Variants in SUN1 observed in about 807,000 individuals in gnomAD.
SUN1 encodes the protein Sad1 and UNC84 domain containing 1, also known as SUN domain-containing protein 1.
SUN1 carries 61 observed loss-of-function variants against 103.2 expected under a neutral mutation model. The observed-to-expected ratio is 0.59, with a 90% CI of 0.48 to 0.73. SUN1 has a LOEUF of 0.73. Ranked by LOEUF, SUN1 falls within the 30% of genes least tolerant of loss-of-function variation. The probability of loss-of-function intolerance (pLI) is 0.00; values close to 1 mark genes in which losing one functional copy is unlikely to be tolerated. For missense variants in SUN1, 1,052 were observed against 1,034.6 expected (o/e 1.02, Z -0.23); for synonymous variants, 490 against 425.7 (o/e 1.15, Z -1.86).
At chr7:829,943 G>A (rs147840282), upstream of SUN1, among the ~76,000 whole-genome samples, 178 of 152,310 alleles carry the variant, frequency 1.2e-3, no homozygotes, top group Middle Eastern at 0.017. Flanking sequence ...CTTGTCACCT[G>A]TCAGGCATTG....
At chr7:815,921 C>A, upstream of SUN1, 1 of 220,568 alleles carries the variant, frequency 4.5e-6, no homozygotes, top group South Asian at 4.0e-5. Context: ...CAAGGAGGCA[C>A]TGGCCGAGGT....
intron 11 of SUN1, 104 bp from the exon 12 acceptor site, chr7:856,254 A>C (rs906364746): frequency 1.7e-6 from 2 of 1,187,364 alleles, no homozygotes; most frequent in African/African-American, 1.5e-5. Context: ...CTTTGAATTA[A>C]AGGGGGTATT....
chr7:868,298 G>C (rs937397474), intron 16 of SUN1, among the ~76,000 whole-genome samples: 6 of 152,248 alleles, frequency 3.9e-5, no homozygotes, highest in Non-Finnish European at 7.3e-5. Context: ...GCTGTGCTGC[G>C]AACAGTGCTC....
intron 5 of SUN1, chr7:848,292 C>G (rs1818497040): frequency 4.7e-6 from 4 of 856,588 alleles, no homozygotes; most frequent in African/African-American, 3.6e-5. Flanking sequence ...GGGCTCTTCC[C>G]CAAGTGATTA....
intron 17 of SUN1, among the ~76,000 whole-genome samples, chr7:871,817 CT>C (rs1228314255): frequency 2.0e-5 from 3 of 152,198 alleles, no homozygotes; most frequent in Admixed American, 6.5e-5. Context: ...CAAATAGTCC[CT>C]TGTGTCTTCT....
Position 873,467 on chromosome 7 carries a change from G to T in SUN1, c.*136G>T. 1 of 889,296 alleles carries T rather than the reference G, an allele frequency of 1.1e-6. No homozygotes were observed. The highest frequency in any genetic ancestry group is 1.7e-6 in the Non-Finnish European group (1 of 582,156). The allele number at this position is 889,296 out of a possible 1,614,324, so 55.1% of individuals were successfully genotyped here. On this transcript the variant is annotated 3_prime_UTR_variant, in exon 19 of 19. Coordinates refer to ENST00000401592, the MANE Select transcript of SUN1 (RefSeq NM_001130965.3). ...TCAATAAACGTGGCTGCTGGCCAGAGGACGTGAGCGTGTGACGGGCGCCTT... is the reference window on the plus strand; with the variant it reads ...TCAATAAACGTGGCTGCTGGCCAGATGACGTGAGCGTGTGACGGGCGCCTT...
At chr7:839,093 A>G (rs1208610245) in intron 2 of SUN1, 107 bp downstream of exon 2, 4 of 1,122,104 alleles carry the variant, frequency 3.6e-6, no homozygotes, top group Non-Finnish European at 4.9e-6. Context: ...GCTTAAGGAT[A>G]TGTGTGTGTA....
chr7:848,953 A>T (rs1215870886), intron 5 of SUN1, among the ~76,000 whole-genome samples: 1 of 152,134 alleles, frequency 6.6e-6, no homozygotes, highest in Non-Finnish European at 1.5e-5. Flanking sequence ...GTTTTTTCAG[A>T]ACTTTTTTTC....
chr7:851,652 G>C (rs1431932316), intron 6 of SUN1, 170 bp downstream of exon 6: 3 of 693,680 alleles, frequency 4.3e-6, no homozygotes, highest in Non-Finnish European at 7.2e-6. Context: ...GACTGTACTT[G>C]CTGCATGAGC....
chr7:870,344 C>CT (rs1445753467), intron 17 of SUN1, among the ~76,000 whole-genome samples: 1 of 151,904 alleles, frequency 6.6e-6, no homozygotes, highest in Non-Finnish European at 1.5e-5. Flanking sequence ...AATCCTAGCA[C>CT]TTTGGGAGGC....
intron 15 of SUN1, among the ~76,000 whole-genome samples, chr7:863,913 TTTGAGAAAGTAC>T (rs1834223241): frequency 6.6e-6 from 1 of 152,196 alleles, no homozygotes; most frequent in African/African-American, 2.4e-5. Context: ...TAACACTCAA[TTTGAGAAAGTAC>T]AATTAATTAA....
At chr7:838,743 T>C in intron 1 of SUN1, 55 bp from the exon 2 acceptor site, 1 of 1,437,254 alleles carries the variant, frequency 7.0e-7, no homozygotes, top group Non-Finnish European at 9.2e-7. Flanking sequence ...GTTCATTTTG[T>C]TTCAGAATGG....
At chr7:850,023 G>C (rs1486245544) in intron 5 of SUN1, 1 of 1,590,518 alleles carries the variant, frequency 6.3e-7, no homozygotes, top group South Asian at 1.1e-5. Flanking sequence ...GGCACATCTG[G>C]GCATGTGCAG....
upstream of SUN1, among the ~76,000 whole-genome samples, chr7:829,159 G>T (rs1432621155): frequency 6.6e-6 from 1 of 152,178 alleles, no homozygotes; most frequent in Non-Finnish European, 1.5e-5. Context: ...AAACATGCTG[G>T]ATCCGTTTTT....
Position 853,252 on chromosome 7 carries a change from A to G in SUN1, c.1054-157A>G, listed in dbSNP as rs77082279. On this transcript the variant is annotated intron_variant, in intron 9 of 18. Transcript: ENST00000401592. ...AGCACCCATAGTCAGCCATGTAAGGATCAAACCTGATACTCCGGGTTTCTG... is the reference window on the plus strand; with the variant it reads ...AGCACCCATAGTCAGCCATGTAAGGGTCAAACCTGATACTCCGGGTTTCTG... 4.0e-3 allele frequency: 3,482 copies of G among 875,578 alleles called. 84 individuals carry two copies. In the African/African-American group the frequency reaches 0.051, roughly 13 times the overall value. 54.2% of individuals were successfully genotyped at this position (875,578 alleles called of 1,614,324 possible). A position where few individuals can be genotyped will look rare whatever the true frequency, so the allele number is the denominator to read the frequency against.
chr7:817,976 G>A (rs1004505238), intron 1 of SUN1, among the ~76,000 whole-genome samples: 2 of 151,516 alleles, frequency 1.3e-5, no homozygotes, highest in Non-Finnish European at 2.9e-5. Context: ...TTTTAGTTTG[G>A]CCATGGTATT....
intron 13 of SUN1, 59 bp downstream of exon 13, chr7:858,016 T>A: frequency 1.3e-6 from 2 of 1,490,098 alleles, no homozygotes; most frequent in East Asian, 2.4e-5. Context: ...AAAACTTGAA[T>A]TGATGACTTA....
At chr7:832,712 T>C in intron 1 of SUN1, 111 bp downstream of exon 1, 1 of 825,686 alleles carries the variant, frequency 1.2e-6, no homozygotes, top group Non-Finnish European at 2.0e-6. Context: ...TGCTGTATTT[T>C]GAAGGTGAAA....
chr7:820,774 T>C (rs983899096), intron 1 of SUN1, among the ~76,000 whole-genome samples: 1 of 152,178 alleles, frequency 6.6e-6, no homozygotes, highest in African/African-American at 2.4e-5. Flanking sequence ...GTTTGTGAGG[T>C]GCTTTTTCTG....
Sources: gnomAD v4.1 joint callset for allele counts (sites outside exome capture counted in the v4.1 genomes callset) on GRCh38, gnomAD v4.1.1 for gene constraint, MANE v1.5 for transcripts, NCBI Gene and HGNC (gene_info 2026-07-23, HGNC 2026-07-21) for gene names.